Variants in ZNF236 observed in about 807,000 individuals in gnomAD.
ZNF236 encodes the protein regulated by glucose.
Under a neutral mutation model 191.2 loss-of-function variants are expected in ZNF236, and 50 were observed. The observed-to-expected ratio is 0.26, with a 90% CI of 0.21 to 0.33. The LOEUF (loss-of-function observed/expected upper bound fraction) is 0.33. ZNF236 is among the 10% of genes least tolerant of loss of function. The pLI is 1.00. For missense variants in ZNF236, 1,754 were observed against 2,374.5 expected (o/e 0.74, Z 5.43); for synonymous variants, 907 against 928.8 (o/e 0.98, Z 0.43).
chr18:76,837,127 T>TCCCCCCCCCCCCCCCCCCCCCCCCC (rs57114708), intron 1 of ZNF236, among the ~76,000 whole-genome samples: 2 of 37,066 alleles, frequency 5.4e-5, no homozygotes, highest in African/African-American at 1.1e-4. Flanking sequence ...CCGCACCCCC[T>TCCCCCCCCCCCCCCCCCCCCCCCCC]CCCCCCCCCC....
chr18:76,958,142 G>A (rs77379657), intron 28 of ZNF236, among the ~76,000 whole-genome samples: 2,395 of 152,262 alleles, frequency 0.016, 28 homozygotes, highest in Middle Eastern at 0.02. Context: ...CACCTCACTT[G>A]TCGCTTGTAG....
intron 11 of ZNF236, among the ~76,000 whole-genome samples, chr18:76,901,386 G>A (rs1367593267): frequency 6.6e-6 from 1 of 152,074 alleles, no homozygotes; most frequent in African/African-American, 2.4e-5. Flanking sequence ...AATATGCTTG[G>A]CAGAATTGAC....
At position 76,904,473 on chromosome 18, in the gene ZNF236, A is replaced by G; in HGVS notation, c.1988A>G (p.Tyr663Cys). The stretch of plus-strand genomic sequence containing the variant: ...GCAGATAGACCATACAAGTGTTTTT[A>G]CTGTCATCGTGCATATAAAAAATCT... ...NEADRPYKCF[Y>C]CHRAYKKSCH... is the part of the protein sequence containing the mutation. The change falls in exon 12 of 31, where the codon TAC (tyrosine) becomes TGC (cysteine). Residue 663 changes from tyrosine (Y) to cysteine (C), a missense_variant. Physicochemically the swap from Tyr to Cys is radical, Grantham distance 194 (BLOSUM62 -2). Around this residue, in one of 5 missense-constraint regions of ZNF236, gnomAD observed 641 missense variants for 869.6 expected, o/e 0.74. Coordinates refer to ENST00000320610, the MANE Select transcript of ZNF236 (RefSeq NM_001306089.2). The G allele has an allele frequency of 6.2e-7, 1 of 1,610,618 alleles. No homozygotes were observed. Among genetic ancestry groups the G allele is most frequent in the Non-Finnish European group, 8.5e-7 (1 of 1,178,616 alleles).
chr18:76,882,298 T>C (rs745371331), intron 9 of ZNF236, among the ~76,000 whole-genome samples: 68 of 152,334 alleles, frequency 4.5e-4, no homozygotes, highest in Non-Finnish European at 4.4e-4. Flanking sequence ...GGATGGACTC[T>C]GAGGGGTGCT....
intron 3 of ZNF236, among the ~76,000 whole-genome samples, chr18:76,852,195 G>A (rs184020766): frequency 3.3e-5 from 5 of 152,298 alleles, no homozygotes; most frequent in Non-Finnish European, 7.4e-5. Context: ...ACATTGGCTG[G>A]CAGAGGCTCC....
At chr18:76,943,977 A>AT (rs1325486994) in intron 26 of ZNF236, among the ~76,000 whole-genome samples, 1 of 152,244 alleles carries the variant, frequency 6.6e-6, no homozygotes, top group Non-Finnish European at 1.5e-5. Context: ...AGGTTGATTT[A>AT]TGGGTACTTG....
intron 11 of ZNF236, among the ~76,000 whole-genome samples, chr18:76,900,392 T>G (rs955711127): frequency 6.6e-6 from 1 of 152,198 alleles, no homozygotes; most frequent in Non-Finnish European, 1.5e-5. Context: ...AACGGAAGAT[T>G]TGAGCACACA....
chr18:76,910,290 T>G, intron 15 of ZNF236, 121 bp downstream of exon 15: 1 of 861,904 alleles, frequency 1.2e-6, no homozygotes, highest in East Asian at 2.7e-5. Context: ...TCAAACCAAA[T>G]AACTTTTTGC....
chr18:76,957,036 C>T (rs1022697495), intron 28 of ZNF236, among the ~76,000 whole-genome samples: 13 of 152,140 alleles, frequency 8.5e-5, no homozygotes, highest in South Asian at 2.1e-4. Flanking sequence ...GGATAGCCTG[C>T]GAAATTTCTG....
chr18:76,889,254 C>T (rs532153368), intron 9 of ZNF236, among the ~76,000 whole-genome samples: 2 of 152,362 alleles, frequency 1.3e-5, no homozygotes, highest in African/African-American at 2.4e-5. Flanking sequence ...TGAGCCTCCT[C>T]CTATGGAAGT....
Position 76,910,672 on chromosome 18 carries a change from C to T in ZNF236, c.2666C>T (p.Thr889Ile). The change falls in exon 16 of 31, where the codon ACT (threonine) becomes ATT (isoleucine). Residue 889 changes from threonine to isoleucine, a missense_variant. Physicochemically the swap from Thr to Ile is moderately conservative, Grantham distance 89. Coordinates refer to ENST00000320610, the MANE Select transcript of ZNF236 (RefSeq NM_001306089.2). ...PAGLPQGFTV[T>I]DTYHQQPQFP... ...TAATTTATTTTAGGTTTTACAGTGACTGATACGTACCATCAGCAGCCTCAG... is the reference window on the plus strand; with the variant it reads ...TAATTTATTTTAGGTTTTACAGTGATTGATACGTACCATCAGCAGCCTCAG... The T allele has an allele frequency of 1.9e-6, 3 of 1,614,030 alleles. No individual in the cohort carries two copies. Among genetic ancestry groups the T allele is most frequent in the Non-Finnish European group, 2.5e-6 (3 of 1,179,964 alleles).
In ZNF236 at chr18:76,927,113, T is replaced by C; in HGVS notation, c.4104T>C (p.Ala1368=). The C allele has an allele frequency of 6.2e-7, 1 of 1,614,114 alleles. No homozygotes were observed. Among genetic ancestry groups the C allele is most frequent in the African/African-American group, 1.3e-5 (1 of 75,020 alleles). The change falls in exon 23 of 31, where the codon GCT becomes GCC. Residue 1368 remains alanine, a synonymous_variant. Coordinates refer to ENST00000320610, the MANE Select transcript of ZNF236 (RefSeq NM_001306089.2). The surrounding 1 kb of genome is among the most constrained non-coding windows in gnomAD (Gnocchi z 5.4). ...TLEGIQLQLA[A]NLVGPNVQIS... ...AAGGCATCCAGTTACAGTTGGCTGCTAACTTGGTTGGACCAAATGTACAGA... is the reference window on the plus strand; with the variant it reads ...AAGGCATCCAGTTACAGTTGGCTGCCAACTTGGTTGGACCAAATGTACAGA...
At chr18:76,955,659 GC>G (rs1968505652) in intron 27 of ZNF236, among the ~76,000 whole-genome samples, 1 of 152,158 alleles carries the variant, frequency 6.6e-6, no homozygotes, top group South Asian at 2.1e-4. Context: ...CCATGAGGAC[GC>G]GACCACGGAC....
At chr18:76,910,862 G>A in intron 16 of ZNF236, 51 bp downstream of exon 16, 2 of 1,585,386 alleles carry the variant, frequency 1.3e-6, no homozygotes, top group South Asian at 2.3e-5. Flanking sequence ...CAGGTGCTAT[G>A]TTATTCTTCA....
At chr18:76,841,995 G>A (rs1975521127) in intron 1 of ZNF236, among the ~76,000 whole-genome samples, 1 of 152,156 alleles carries the variant, frequency 6.6e-6, no homozygotes, top group South Asian at 2.1e-4. Flanking sequence ...CACTGTGCCT[G>A]GCCCAGCAAC....
At chr18:76,926,092 G>T (rs1250294380) in intron 22 of ZNF236, among the ~76,000 whole-genome samples, 1 of 152,172 alleles carries the variant, frequency 6.6e-6, no homozygotes, top group African/African-American at 2.4e-5. Context: ...AGTAGTAGTG[G>T]TTGTTTTGAA....
chr18:76,840,782 T>TGTGTGTGTGTGTGCGC (rs1555685339), intron 1 of ZNF236: 70 of 99,250 alleles, frequency 7.1e-4, no homozygotes, highest in African/African-American at 1.8e-3. Context: ...AACCTGTGTG[T>TGTGTGTGTGTGTGCGC]GTGTGTGTGT....
At chr18:76,847,992 C>G (rs1975745962) in intron 1 of ZNF236, among the ~76,000 whole-genome samples, 1 of 152,124 alleles carries the variant, frequency 6.6e-6, no homozygotes, top group Non-Finnish European at 1.5e-5. Flanking sequence ...CGGAATTTGC[C>G]TTTTCTCAAG....
intron 1 of ZNF236, among the ~76,000 whole-genome samples, chr18:76,835,164 G>A (rs986323127): frequency 6.6e-6 from 1 of 152,088 alleles, no homozygotes; most frequent in South Asian, 2.1e-4. Flanking sequence ...ATTATTTTCT[G>A]ATTTCTATTG....
Sources: allele counts gnomAD v4.1 joint callset (sites outside exome capture counted in the v4.1 genomes callset), GRCh38; gene constraint gnomAD v4.1.1; regional missense constraint gnomAD v4.1.1; non-coding constraint Gnocchi (gnomAD v3.1); transcripts MANE v1.5; gene names NCBI Gene and HGNC (gene_info 2026-07-23, HGNC 2026-07-21).